Variants in BRINP1 observed in about 807,000 individuals in gnomAD.
BRINP1 encodes BMP/retinoic acid inducible neural specific 1, also known as BMP/retinoic acid-inducible neural-specific protein 1.
BRINP1 carries 17 observed loss-of-function variants against 72.9 expected under a neutral mutation model. The observed-to-expected ratio is 0.23, with a 90% CI of 0.16 to 0.35. The LOEUF (loss-of-function observed/expected upper bound fraction) is 0.35. Ranked by LOEUF, BRINP1 falls within the 10% of genes least tolerant of loss-of-function variation. The probability of loss-of-function intolerance (pLI) is 1.00; values close to 1 mark genes in which losing one functional copy is unlikely to be tolerated. For synonymous variants in BRINP1, 418 were observed against 378.5 expected (o/e 1.10, Z -1.21); for missense variants, 850 against 1,001.6 (o/e 0.85, Z 2.04).
intron 7 of BRINP1, among the ~76,000 whole-genome samples, chr9:119,187,992 T>C (rs894016121): frequency 2.6e-5 from 4 of 152,268 alleles, no homozygotes; most frequent in Non-Finnish European, 5.9e-5. Flanking sequence ...AAGGGAAGTG[T>C]TTTAAAATAG....
intron 5 of BRINP1, among the ~76,000 whole-genome samples, chr9:119,225,169 T>C (rs1377446211): frequency 6.6e-6 from 1 of 152,040 alleles, no homozygotes; most frequent in Non-Finnish European, 1.5e-5. Context: ...AACTAAAATG[T>C]AGTATATGTA....
At chr9:119,330,837 C>T (rs1831292799) in intron 1 of BRINP1, among the ~76,000 whole-genome samples, 1 of 151,982 alleles carries the variant, frequency 6.6e-6, no homozygotes, top group African/African-American at 2.4e-5. Flanking sequence ...ACCAGCCTGA[C>T]CAGCATAGTG....
intron 1 of BRINP1, among the ~76,000 whole-genome samples, chr9:119,339,875 G>A (rs1306139706): frequency 6.6e-6 from 1 of 152,118 alleles, no homozygotes; most frequent in Non-Finnish European, 1.5e-5. Flanking sequence ...ATCCTGGGTG[G>A]GTTCTGGCTC....
At chr9:119,359,964 A>G (rs1409726898) in intron 1 of BRINP1, among the ~76,000 whole-genome samples, 10 of 152,202 alleles carry the variant, frequency 6.6e-5, no homozygotes, top group Non-Finnish European at 1.5e-4. Context: ...ATTCCAGTCC[A>G]TGCTCTGCCT....
rs78827186 is a variant in BRINP1 at position 119,168,383 on chromosome 9, C to G, written c.1146-159G>C. On this transcript the variant is annotated intron_variant, in intron 7 of 7. Coordinates refer to ENST00000265922, the MANE Select transcript of BRINP1 (RefSeq NM_014618.3). ...AGGGCATCGAATATAAACGTAAGAA[C>G]TACATTGTAGCTCCTCCTAATGCCA... is the stretch of plus-strand genomic sequence containing the variant. Among the ~76,000 whole-genome samples the G allele has an allele frequency of 5.2e-3, 788 of 152,314 alleles. 3 individuals are homozygous for G. The highest frequency in any genetic ancestry group is 9.0e-3 in the Non-Finnish European group (614 of 68,034).
chr9:119,194,176 C>T (rs538864329), intron 7 of BRINP1, among the ~76,000 whole-genome samples: 1 of 152,246 alleles, frequency 6.6e-6, no homozygotes, highest in East Asian at 1.9e-4. Context: ...AATTGCCCAG[C>T]AACTTCCAGC....
intron 5 of BRINP1, among the ~76,000 whole-genome samples, chr9:119,215,792 G>A (rs886764908): frequency 6.6e-6 from 1 of 152,260 alleles, no homozygotes; most frequent in Middle Eastern, 3.4e-3. Context: ...GACACCACAC[G>A]CTGTAGTAAA....
chr9:119,193,882 A>T (rs1007962288), intron 7 of BRINP1, among the ~76,000 whole-genome samples: 1 of 152,200 alleles, frequency 6.6e-6, no homozygotes, highest in African/African-American at 2.4e-5. Context: ...GCCAGAAGTG[A>T]TTCACATAGT....
At chr9:119,277,072 C>A (rs895019615) in intron 2 of BRINP1, among the ~76,000 whole-genome samples, 5 of 152,074 alleles carry the variant, frequency 3.3e-5, no homozygotes, top group African/African-American at 1.2e-4. Context: ...GAGTGTGTAG[C>A]CTTTTGGGTC....
At chr9:119,175,117 TA>T (rs1334717792) in intron 7 of BRINP1, among the ~76,000 whole-genome samples, 3 of 51,526 alleles carry the variant, frequency 5.8e-5, no homozygotes, top group Non-Finnish European at 1.0e-4. Context: ...TAAAGTAAAG[TA>T]TAAAAAAAAA....
chr9:119,208,702 G>C lies in BRINP1; in HGVS notation c.1145+17C>G, dbSNP rs1829885494. ...CAGGTAGGTGCCTGCAGAGGTGGAG[G>C]TGGTGGCAACACTTACCTCTCTCTA... On this transcript the variant is annotated intron_variant, in intron 7 of 7. Transcript: ENST00000265922. 6.2e-7 allele frequency: 1 copy of C among 1,609,738 alleles called. No individual in the cohort carries two copies. The highest frequency in any genetic ancestry group is 1.3e-5 in the African/African-American group (1 of 74,826).
At chr9:119,218,204 ATTTT>A (rs139945643) in intron 5 of BRINP1, among the ~76,000 whole-genome samples, 17 of 122,956 alleles carry the variant, frequency 1.4e-4, no homozygotes, top group Admixed American at 2.5e-4. Flanking sequence ...TCAAATAAAT[ATTTT>A]TTTTTTTTTT....
intron 2 of BRINP1, among the ~76,000 whole-genome samples, chr9:119,289,354 G>C (rs1181349728): frequency 1.3e-5 from 2 of 152,156 alleles, no homozygotes; most frequent in African/African-American, 4.8e-5. Flanking sequence ...TGAAGAACTG[G>C]TATTCTCTAC....
At chr9:119,169,530 T>C (rs992038378) in intron 7 of BRINP1, among the ~76,000 whole-genome samples, 13 of 152,102 alleles carry the variant, frequency 8.5e-5, no homozygotes, top group African/African-American at 3.1e-4. Flanking sequence ...GAGATCAAAC[T>C]GCAAGGCGGC....
chr9:119,200,085 T>C (rs946250626), intron 7 of BRINP1, among the ~76,000 whole-genome samples: 1 of 152,222 alleles, frequency 6.6e-6, no homozygotes, highest in Non-Finnish European at 1.5e-5. Flanking sequence ...AGAAAGTACA[T>C]ACACTTTATA....
intron 2 of BRINP1, among the ~76,000 whole-genome samples, chr9:119,256,643 T>C (rs548490524): frequency 7.2e-5 from 11 of 152,350 alleles, no homozygotes; most frequent in South Asian, 2.1e-4. Flanking sequence ...ATTATTTGTA[T>C]AGGACACACT....
intron 1 of BRINP1, 63 bp from the exon 2 acceptor site, chr9:119,313,468 G>A: frequency 7.1e-7 from 1 of 1,405,280 alleles, no homozygotes; most frequent in Non-Finnish European, 9.4e-7. Context: ...GAGAGGAGAG[G>A]GGAAGAGGAG....
At chr9:119,272,990 C>G (rs1166697451) in intron 2 of BRINP1, among the ~76,000 whole-genome samples, 1 of 152,154 alleles carries the variant, frequency 6.6e-6, no homozygotes, top group Non-Finnish European at 1.5e-5. Context: ...CATTCCTGGT[C>G]CCCTCCAACA....
chr9:119,261,034 C>T (rs1830490037), intron 2 of BRINP1, among the ~76,000 whole-genome samples: 1 of 152,040 alleles, frequency 6.6e-6, no homozygotes, highest in Admixed American at 6.6e-5. Context: ...AAAATATTCT[C>T]AATACTCTCA....
Sources: allele counts gnomAD v4.1 joint callset (sites outside exome capture counted in the v4.1 genomes callset), GRCh38; gene constraint gnomAD v4.1.1; transcripts MANE v1.5; gene names NCBI Gene and HGNC (gene_info 2026-07-23, HGNC 2026-07-21).